BDH1: variants seen among roughly 807,000 people sequenced by gnomAD.
BDH1 encodes D-beta-hydroxybutyrate dehydrogenase, mitochondrial.
A neutral mutation model predicts 33.1 loss-of-function variants in BDH1; 30 were observed. The ratio of observed to expected loss-of-function variants is 0.91; its 90% CI spans 0.68 to 1.23. BDH1 has a LOEUF of 1.23. Among genes scored for constraint, BDH1 ranks in the 50% most tolerant of loss-of-function variants. The pLI, the probability that BDH1 is intolerant of heterozygous loss-of-function variation, is 0.00. For missense variants in BDH1, 443 were observed against 464.4 expected (o/e 0.95, Z 0.42); for synonymous variants, 190 against 183.6 (o/e 1.03, Z -0.28).
At chr3:197,519,818 T>C (rs9868761) in intron 6 of BDH1, among the ~76,000 whole-genome samples, 52,366 of 151,918 alleles carry the variant, frequency 0.34, 11,378 homozygotes, top group African/African-American at 0.62. Flanking sequence ...CCAGATGTCC[T>C]GTCCCTCAGC....
chr3:197,564,098 TAAAAAAAA>T (rs71164298), intron 1 of BDH1, among the ~76,000 whole-genome samples: 2 of 109,068 alleles, frequency 1.8e-5, no homozygotes, highest in Non-Finnish European at 3.7e-5. Context: ...AGACTTCATC[TAAAAAAAA>T]AAAAAAAAAA....
chr3:197,535,740 C>T (rs184390773), intron 3 of BDH1, among the ~76,000 whole-genome samples: 3 of 152,242 alleles, frequency 2.0e-5, no homozygotes, highest in African/African-American at 7.2e-5. Context: ...CTTCTATGTT[C>T]TTTTCTAAAA....
At chr3:197,546,136 A>G in intron 3 of BDH1, 1 of 464,922 alleles carries the variant, frequency 2.2e-6, no homozygotes, top group East Asian at 3.3e-5. Flanking sequence ...ACTCCATCAA[A>G]AAGAAAAAAA....
chr3:197,559,562 C>T (rs1166124464), upstream of BDH1, among the ~76,000 whole-genome samples: 1 of 152,200 alleles, frequency 6.6e-6, no homozygotes, highest in Non-Finnish European at 1.5e-5. Context: ...AGTCCTTGCT[C>T]AGGCTCTGCT....
Position 197,532,405 on chromosome 3 carries a change from C to T in BDH1, c.267+7G>A. ...GACAATGGTGAAGAAGATAACTCGT[C>T]TCTTACCTTCATCAAGCAGCCAGCA... On this transcript the variant is annotated splice_region_variant and intron_variant, in intron 5 of 7. Coordinates refer to ENST00000392379, the MANE Select transcript of BDH1 (RefSeq NM_203314.3). The T allele has an allele frequency of 6.2e-7, 1 of 1,609,452 alleles. No homozygotes were observed. The highest frequency in any genetic ancestry group is 8.5e-7 in the Non-Finnish European group (1 of 1,175,726).
At position 197,523,439 on chromosome 3, in the gene BDH1, A is replaced by G. The variant is rs558461291; in HGVS notation, c.268-658T>C. Among the ~76,000 whole-genome samples, 1 of 152,294 alleles carries G rather than the reference A, an allele frequency of 6.6e-6. No individual in the cohort carries two copies. Among genetic ancestry groups the G allele is most frequent in the African/African-American group, 2.4e-5 (1 of 41,566 alleles). ...ACAGGGGTCCATTTTTTCTGGCTGT[A>G]AAACAGGAACATCACCACCTGTCCT... On this transcript the variant is annotated intron_variant, in intron 5 of 7. Coordinates refer to ENST00000392379, the MANE Select transcript of BDH1 (RefSeq NM_203314.3). This position sits in a 1 kb window ranked among gnomAD's most constrained non-coding sequence, Gnocchi z 4.5.
chr3:197,551,899 G>A (rs1200323903), intron 2 of BDH1, among the ~76,000 whole-genome samples: 3 of 152,064 alleles, frequency 2.0e-5, no homozygotes, highest in Non-Finnish European at 4.4e-5. Context: ...GGAGAACAGG[G>A]CTTGCCTACC....
Position 197,511,784 on chromosome 3 carries a change from T to C in BDH1, c.*111A>G, listed in dbSNP as rs980826419. 1 of 1,101,698 alleles carries C rather than the reference T, an allele frequency of 9.1e-7. No homozygotes were observed. The highest frequency in any genetic ancestry group is 1.3e-6 in the Non-Finnish European group (1 of 774,792). The allele number at this position is 1,101,698 out of a possible 1,614,324, so 68.2% of individuals were successfully genotyped here. A position where few individuals can be genotyped will look rare whatever the true frequency, so the allele number is the denominator to read the frequency against. On this transcript the variant is annotated 3_prime_UTR_variant, in exon 8 of 8. Transcript: ENST00000392379. The stretch of plus-strand genomic sequence containing the variant: ...TAGTGTTAAAACCAGTTATGGGTCT[T>C]CCTGGCATGGTGGATAATCCACACG...
chr3:197,549,406 A>T (rs1301460134), intron 2 of BDH1, among the ~76,000 whole-genome samples: 1 of 152,240 alleles, frequency 6.6e-6, no homozygotes, highest in Non-Finnish European at 1.5e-5. Flanking sequence ...ACTGTGTTCC[A>T]TTCCAACATG....
chr3:197,549,986 T>TATATATATATATATATA (rs3061417), intron 2 of BDH1, among the ~76,000 whole-genome samples: 1 of 149,480 alleles, frequency 6.7e-6, no homozygotes, highest in African/African-American at 2.5e-5. Flanking sequence ...TATATATATA[T>TATATATATATATATATA]TTGGCCATTC....
chr3:197,556,888 C>T (rs1487858606), upstream of BDH1, among the ~76,000 whole-genome samples: 1 of 152,110 alleles, frequency 6.6e-6, no homozygotes, highest in Non-Finnish European at 1.5e-5. Flanking sequence ...ACATTAGTGG[C>T]GAAGCTACGC....
intron 2 of BDH1, among the ~76,000 whole-genome samples, chr3:197,548,783 G>A (rs62283260): frequency 0.084 from 12,712 of 152,086 alleles, 599 homozygotes; most frequent in Non-Finnish European, 0.11. Flanking sequence ...CCCAGGAGGC[G>A]GAGGTTGCAG....
intron 1 of BDH1, among the ~76,000 whole-genome samples, chr3:197,566,700 T>A (rs114307048): frequency 6.6e-6 from 1 of 152,238 alleles, no homozygotes; most frequent in Admixed American, 6.5e-5. Flanking sequence ...TTCAAAACTA[T>A]AGTACAGCAG....
chr3:197,515,565 A>T (rs1437388439), intron 6 of BDH1: 15 of 985,436 alleles, frequency 1.5e-5, no homozygotes, highest in Non-Finnish European at 1.7e-5. Flanking sequence ...ACACAATTTC[A>T]GCTTTTCCAC....
At chr3:197,563,259 C>T (rs1402825880) in intron 1 of BDH1, among the ~76,000 whole-genome samples, 2 of 152,156 alleles carry the variant, frequency 1.3e-5, no homozygotes, top group South Asian at 2.1e-4. Flanking sequence ...TTGTACCTTA[C>T]GAGGTAAATT....
rs1290037576 is a variant in BDH1, at chr3:197,523,725, T to C, written c.268-944A>G. Among the ~76,000 whole-genome samples the C allele has an allele frequency of 6.6e-6, 1 of 152,014 alleles. No individual in the cohort carries two copies. ...AGCGACACAGTGACTGTGTGCTGTA[T>C]GGAACCTGGCGGGAGGTGGGAGGGG... On this transcript the variant is annotated intron_variant, in intron 5 of 7. Transcript: ENST00000392379. This position sits in a 1 kb window ranked among gnomAD's most constrained non-coding sequence, Gnocchi z 4.5.
chr3:197,540,200 T>G (rs1715486021), intron 3 of BDH1, among the ~76,000 whole-genome samples: 1 of 151,880 alleles, frequency 6.6e-6, no homozygotes, highest in African/African-American at 2.4e-5. Flanking sequence ...ATTATAGGCA[T>G]GTTCCACCAC....
At chr3:197,536,345 T>C (rs562486309) in intron 3 of BDH1, among the ~76,000 whole-genome samples, 6 of 152,358 alleles carry the variant, frequency 3.9e-5, no homozygotes, top group Non-Finnish European at 5.9e-5. Context: ...CCTTTCCATA[T>C]AAATTTTAGA....
chr3:197,512,013 G>A lies in BDH1; in HGVS notation c.914C>T (p.Ala305Val), dbSNP rs778442247. ...GGTGTAGGGGGTGGTGGCGGTCAGG[G>A]CGTGTGTGACAGCATCGATGACAGG... The part of the protein sequence containing the change: ...TSPVIDAVTH[A>V]LTATTPYTRY... Residue 305 changes from alanine to valine, a missense_variant, in exon 8 of 8, where the codon GCC becomes GTC. Transcript: ENST00000392379. The A allele has an allele frequency of 3.7e-6, 6 of 1,614,112 alleles. 1 individual carries two copies. Among genetic ancestry groups the A allele is most frequent in the Non-Finnish European group, 5.1e-6 (6 of 1,180,004 alleles).
Sources: gnomAD v4.1 joint callset for allele counts (sites outside exome capture counted in the v4.1 genomes callset) on GRCh38, gnomAD v4.1.1 for gene constraint, Gnocchi (gnomAD v3.1) non-coding constraint, MANE v1.5 for transcripts, NCBI Gene and HGNC (gene_info 2026-07-23, HGNC 2026-07-21) for gene names.